The following GPSM2 variants were observed in gnomAD, a reference collection of about 807,000 sequenced individuals.
GPSM2 encodes the protein G protein-signaling modulator 2.
Under a neutral mutation model 78.4 loss-of-function variants are expected in GPSM2, and 58 were observed. The ratio of observed to expected loss-of-function variants is 0.74; its 90% CI spans 0.60 to 0.92. The LOEUF (loss-of-function observed/expected upper bound fraction) is 0.92. GPSM2 is among the 40% of genes least tolerant of loss of function. The pLI is 0.00. For synonymous variants in GPSM2, 224 were observed against 280.2 expected (o/e 0.80, Z 2.00); for missense variants, 700 against 815.5 (o/e 0.86, Z 1.73).
chr1:108,891,425 TAAGC>T (rs1647959664), intron 2 of GPSM2, among the ~76,000 whole-genome samples: 1 of 152,192 alleles, frequency 6.6e-6, no homozygotes, highest in Admixed American at 6.5e-5. Flanking sequence ...CCCATGACCT[TAAGC>T]AAGTCATTTA....
chr1:108,914,541 A>G (rs569228747), intron 11 of GPSM2, 133 bp downstream of exon 11: 16 of 671,974 alleles, frequency 2.4e-5, no homozygotes, highest in Admixed American at 8.4e-5. Flanking sequence ...TGTAAAAAAA[A>G]AGTCAGAAAA....
chr1:108,912,654 C>G (rs937649444), intron 10 of GPSM2, among the ~76,000 whole-genome samples: 1 of 151,458 alleles, frequency 6.6e-6, no homozygotes, highest in South Asian at 2.1e-4. Context: ...GTGGGAGGAT[C>G]GCTTTGAGCC....
At chr1:108,886,401 A>G (rs987641416) in intron 2 of GPSM2, among the ~76,000 whole-genome samples, 6 of 152,228 alleles carry the variant, frequency 3.9e-5, no homozygotes. Context: ...TACATGAAGT[A>G]GTGGTTTGGT....
intron 14 of GPSM2, 179 bp from the exon 15 acceptor site, chr1:108,929,522 A>G: frequency 1.6e-6 from 1 of 642,198 alleles, no homozygotes; most frequent in East Asian, 2.7e-5. Context: ...TTTAAAGATT[A>G]TTTCTTTCAG....
chr1:108,907,105 C>G (rs1649296150), intron 10 of GPSM2, among the ~76,000 whole-genome samples: 1 of 152,188 alleles, frequency 6.6e-6, no homozygotes, highest in African/African-American at 2.4e-5. Flanking sequence ...TCCTGCCACT[C>G]CACCTCTTGC....
At chr1:108,908,613 T>C (rs924615907) in intron 10 of GPSM2, among the ~76,000 whole-genome samples, 4 of 150,852 alleles carry the variant, frequency 2.7e-5, no homozygotes, top group Non-Finnish European at 4.4e-5. Flanking sequence ...GGGCGGAGCT[T>C]GCAGTGAGCC....
At chr1:108,887,856 C>T (rs1647685789) in intron 2 of GPSM2, among the ~76,000 whole-genome samples, 1 of 152,124 alleles carries the variant, frequency 6.6e-6, no homozygotes, top group East Asian at 1.9e-4. Context: ...ACTTTGTAAA[C>T]ATGATAACCA....
chr1:108,911,779 C>A (rs1649760204), intron 10 of GPSM2, among the ~76,000 whole-genome samples: 1 of 147,122 alleles, frequency 6.8e-6, no homozygotes, highest in African/African-American at 2.5e-5. Context: ...GGTGATAAAC[C>A]ATACTCAAGT....
At chr1:108,903,066 T>A in intron 8 of GPSM2, 60 bp from the exon 9 acceptor site, 1 of 1,003,922 alleles carries the variant, frequency 1.0e-6, no homozygotes, top group East Asian at 2.4e-5. Flanking sequence ...AGATAGCTTT[T>A]ATTCTATACA....
chr1:108,898,192 T>G, intron 5 of GPSM2, 91 bp downstream of exon 5: 1 of 1,299,662 alleles, frequency 7.7e-7, no homozygotes, highest in Non-Finnish European at 1.1e-6. Context: ...TTTTTAAGTT[T>G]GGCAAAGATT....
intron 13 of GPSM2, 123 bp downstream of exon 13, chr1:108,922,699 T>C (rs1051617186): frequency 2.3e-6 from 2 of 868,012 alleles, no homozygotes; most frequent in Non-Finnish European, 2.0e-6. Context: ...CAGGTATATC[T>C]GAAATGCTGT....
At chr1:108,926,883 C>CA (rs1461793885) in intron 14 of GPSM2, 2 of 150,096 alleles carry the variant, frequency 1.3e-5, no homozygotes, top group African/African-American at 2.5e-5. Context: ...AGCAATTAGG[C>CA]AAAAAAAGAA....
chr1:108,908,344 C>T (rs1319045183), intron 10 of GPSM2, among the ~76,000 whole-genome samples: 1 of 149,062 alleles, frequency 6.7e-6, no homozygotes, highest in Non-Finnish European at 1.5e-5. Context: ...GCACTCCAGC[C>T]TGGGCAACAG....
chr1:108,897,144 AT>A, intron 3 of GPSM2, 59 bp downstream of exon 3: 1 of 1,250,090 alleles, frequency 8.0e-7, no homozygotes, highest in Non-Finnish European at 1.2e-6. Flanking sequence ...ACTTTAAAAA[AT>A]ATTTCTATTC....
chr1:108,888,170 G>A (rs937900414), intron 2 of GPSM2, among the ~76,000 whole-genome samples: 2 of 152,170 alleles, frequency 1.3e-5, no homozygotes, highest in African/African-American at 4.8e-5. Flanking sequence ...TCCTGCCTCA[G>A]CCTCCTGAGT....
In GPSM2 at chr1:108,918,776, C is replaced by A; in HGVS notation, c.1427C>A (p.Pro476Gln). The change falls in exon 12 of 15, where the codon CCA (proline) becomes CAA (glutamine). Residue 476 changes from proline (P) to glutamine (Q), a missense_variant. Physicochemically the swap from Pro to Gln is moderately conservative, Grantham distance 76. Transcript: ENST00000264126. ...DASNSIDHRI[P>Q]NSQRKISADT... ...AGTAATTCTATTGACCACCGAATTC[C>A]AAATTCTCAGAGGGTACGTTTAAAC... 1 of 1,612,112 alleles carries A rather than the reference C, an allele frequency of 6.2e-7. No individual in the cohort carries two copies. Among genetic ancestry groups the A allele is most frequent in the Middle Eastern group, 1.7e-4 (1 of 6,058 alleles).
chr1:108,913,943 G>C (rs1649975284), intron 10 of GPSM2, among the ~76,000 whole-genome samples: 1 of 152,110 alleles, frequency 6.6e-6, no homozygotes. Context: ...ATGCTATTTT[G>C]ATTCTTTTCA....
chr1:108,878,169 A>T (rs893474493), intron 1 of GPSM2, among the ~76,000 whole-genome samples: 4 of 152,122 alleles, frequency 2.6e-5, no homozygotes, highest in Admixed American at 6.5e-5. Flanking sequence ...TTGGGTTCTC[A>T]CTATTCAGGA....
At chr1:108,902,379 C>CAA (rs5776957) in intron 8 of GPSM2, among the ~76,000 whole-genome samples, 53 of 76,798 alleles carry the variant, frequency 6.9e-4, no homozygotes, top group African/African-American at 9.8e-4. Context: ...GACTGCATCT[C>CAA]AAAAAAAAAA....
Sources: gnomAD v4.1 joint callset for allele counts (sites outside exome capture counted in the v4.1 genomes callset) on GRCh38, gnomAD v4.1.1 for gene constraint, MANE v1.5 for transcripts, NCBI Gene and HGNC (gene_info 2026-07-23, HGNC 2026-07-21) for gene names.